The following SPIC variants were observed in gnomAD, a reference collection of about 807,000 sequenced individuals.
The protein encoded by SPIC is transcription factor Spi-C.
In SPIC, 9 loss-of-function variants were observed where a neutral mutation model predicts 16.7. The ratio of observed to expected loss-of-function variants is 0.54; its 90% confidence interval spans 0.33 to 0.94. The LOEUF (loss-of-function observed/expected upper bound fraction) is 0.94, where lower values mean the gene tolerates loss of function less well. Among genes scored for constraint, SPIC ranks in the 40% least tolerant of loss-of-function variants. The pLI, the probability that SPIC is intolerant of heterozygous loss-of-function variation, is 0.03. For synonymous variants in SPIC, 97 were observed against 102.9 expected (o/e 0.94, Z 0.35); for missense variants, 241 against 285.8 (o/e 0.84, Z 1.13).
intron 3 of SPIC, among the ~76,000 whole-genome samples, chr12:101,477,963 G>A (rs371733081): frequency 6.6e-6 from 1 of 152,236 alleles, no homozygotes; most frequent in African/African-American, 2.4e-5. Context: ...TTAGTAAGCC[G>A]AGATGGCGCC....
rs1401512147 is a variant in SPIC at position 101,476,966 on chromosome 12, TAATTAAAA to T, written c.3+62_3+69del. 24 of 1,216,944 alleles carry T rather than the reference TAATTAAAA, an allele frequency of 2.0e-5. No individual in the cohort carries two copies. In the East Asian group the frequency reaches 6.6e-4, roughly 33 times the overall value. 75.4% of individuals were successfully genotyped at this position (1,216,944 alleles called of 1,614,324 possible). On this transcript the variant is annotated intron_variant, in intron 2 of 5. Coordinates refer to ENST00000551346, the MANE Select transcript of SPIC (RefSeq NM_152323.3). ...TCCACAGAGGAGCTCTACAGCATAA[TAATTAAAA>T]AACTTTTTTCTTTACTCTCCCTCCA... is the stretch of plus-strand genomic sequence containing the variant.
chr12:101,475,995 A>C (rs1312163948), intron 1 of SPIC, among the ~76,000 whole-genome samples: 1 of 152,202 alleles, frequency 6.6e-6, no homozygotes, highest in Non-Finnish European at 1.5e-5. Context: ...ATTAGATTAC[A>C]TCATCTCATT....
intron 4 of SPIC, 53 bp from the exon 5 acceptor site, chr12:101,482,739 T>C: frequency 6.5e-7 from 1 of 1,538,402 alleles, no homozygotes; most frequent in Non-Finnish European, 8.9e-7. Context: ...CAGCCTATAA[T>C]AGGGGGCAAC....
intron 5 of SPIC, among the ~76,000 whole-genome samples, chr12:101,483,918 G>GC (rs1396633770): frequency 4.6e-5 from 7 of 151,832 alleles, no homozygotes; most frequent in South Asian, 2.1e-4. Context: ...GATTCAGGCA[G>GC]CCCCCCCGAA....
At chr12:101,479,296 GAAAGAAAGAAA>G (rs751115731) in intron 3 of SPIC, among the ~76,000 whole-genome samples, 1,428 of 41,510 alleles carry the variant, frequency 0.034, 128 homozygotes, top group African/African-American at 0.11. Flanking sequence ...AAGAAAGAAA[GAAAGAAAGAAA>G]AAAGAAAGAA....
At chr12:101,477,437 C>G in intron 2 of SPIC, 121 bp from the exon 3 acceptor site, 1 of 900,500 alleles carries the variant, frequency 1.1e-6, no homozygotes, top group Non-Finnish European at 1.7e-6. Flanking sequence ...ACAGCCAACA[C>G]CAAATGCCCA....
At chr12:101,480,428 G>A (rs1257834932) in intron 4 of SPIC, among the ~76,000 whole-genome samples, 1 of 152,166 alleles carries the variant, frequency 6.6e-6, no homozygotes, top group African/African-American at 2.4e-5. Flanking sequence ...AGTGTTATCT[G>A]CATGTATTGG....
chr12:101,478,648 T>C (rs1873037869), intron 3 of SPIC, among the ~76,000 whole-genome samples: 1 of 152,224 alleles, frequency 6.6e-6, no homozygotes, highest in African/African-American at 2.4e-5. Flanking sequence ...ATTTTAACTA[T>C]TCACGAAAGG....
chr12:101,477,333 A>AC (rs567254027), intron 2 of SPIC, among the ~76,000 whole-genome samples: 2 of 152,306 alleles, frequency 1.3e-5, no homozygotes, highest in East Asian at 3.9e-4. Flanking sequence ...TTTGACGGTC[A>AC]CAACTGTGAA....
At chr12:101,478,316 C>CCACT (rs1314934090) in intron 3 of SPIC, among the ~76,000 whole-genome samples, 1 of 152,020 alleles carries the variant, frequency 6.6e-6, no homozygotes, top group African/African-American at 2.4e-5. Context: ...CAGGCATGAG[C>CCACT]CACTGTGCCC....
intron 3 of SPIC, among the ~76,000 whole-genome samples, chr12:101,479,220 G>GAA (rs869262567): frequency 3.5e-5 from 3 of 84,764 alleles, no homozygotes; most frequent in East Asian, 3.1e-4. Context: ...AAGAAAGAAA[G>GAA]AAGGAAAGAA....
chr12:101,482,895 GA>G lies in SPIC; in HGVS notation c.318del (p.Gly107AlafsTer27), dbSNP rs1873252064. 1.2e-6 allele frequency: 2 copies of G among 1,613,338 alleles called. No individual in the cohort carries two copies. The highest frequency in any genetic ancestry group is 1.3e-5 in the African/African-American group (1 of 74,990). ...VQPTLLQQKGGKGRKKLRLFE... is the reference protein window; with the variant it reads ...VQPTLLQQKGXKGRKKLRLFE... Reference sequence around the variant, plus strand: ...CCCACTCTTCTCCAGCAAAAGGGGGGAAAAGGTACGTTGATCCATCATTCGT... The same window carrying G: ...CCCACTCTTCTCCAGCAAAAGGGGGGAAAGGTACGTTGATCCATCATTCGT... On this transcript the variant is annotated frameshift_variant, in exon 5 of 6. Transcript: ENST00000551346. LOFTEE classifies it low-confidence loss of function (END_TRUNC).
intron 3 of SPIC, among the ~76,000 whole-genome samples, chr12:101,478,010 CT>C (rs1034919958): frequency 1.4e-4 from 21 of 151,166 alleles, no homozygotes; most frequent in Admixed American, 1.2e-3. Context: ...CAGAGAAGAC[CT>C]TTTTTTTCTT....
In SPIC at chr12:101,479,468, A is replaced by G. The variant is rs1873118715; in HGVS notation, c.98-114A>G. ...CACCACAGGAGAAGTGCAAAGTGGC[A>G]AGAAAACATAGATGAGAGCAATTGC... On this transcript the variant is annotated intron_variant, in intron 3 of 5. Coordinates refer to ENST00000551346, the MANE Select transcript of SPIC (RefSeq NM_152323.3). The G allele has an allele frequency of 4.1e-6, 3 of 731,014 alleles. No individual in the cohort carries two copies. In the African/African-American group the frequency reaches 5.4e-5, roughly 13 times the overall value. The allele number at this position is 731,014 out of a possible 1,614,324, so 45.3% of individuals were successfully genotyped here.
chr12:101,486,437 G>C lies in SPIC; in HGVS notation c.413G>C (p.Gly138Ala), dbSNP rs781091465. ...ATTCAGTGGGTAGATAAAACCAAAGGCATCTTTCAGTTTGTATCAAAAAAC... is the reference window on the plus strand; with the variant it reads ...ATTCAGTGGGTAGATAAAACCAAAGCCATCTTTCAGTTTGTATCAAAAAAC... Reference protein sequence around the residue: ...SCIQWVDKTKGIFQFVSKNKE... With the variant: ...SCIQWVDKTKAIFQFVSKNKE... Residue 138 changes from glycine (G) to alanine (A), a missense_variant, in exon 6 of 6, where the codon GGC becomes GCC. Coordinates refer to ENST00000551346, the MANE Select transcript of SPIC (RefSeq NM_152323.3). 1.2e-6 allele frequency: 2 copies of C among 1,614,022 alleles called. No homozygotes were observed.
At chr12:101,476,474 G>C (rs1285284261) in intron 1 of SPIC, among the ~76,000 whole-genome samples, 1 of 152,028 alleles carries the variant, frequency 6.6e-6, no homozygotes, top group African/African-American at 2.4e-5. Flanking sequence ...TTTTTATAAA[G>C]CTATGCTAAG....
rs369264779 is a variant in SPIC at position 101,477,675 on chromosome 12, T to G, written c.97+24T>G. On this transcript the variant is annotated intron_variant, in intron 3 of 5. Coordinates refer to ENST00000551346, the MANE Select transcript of SPIC (RefSeq NM_152323.3). The stretch of plus-strand genomic sequence containing the variant: ...AGGTAAAGATGAGTCATTTACCCTC[T>G]TCTGCTGGTACATCAAATGGCTTGT... The G allele has an allele frequency of 2.5e-6, 4 of 1,580,946 alleles. No homozygotes were observed. The African/African-American group carries it at 5.4e-5, about 21-fold the overall frequency.
intron 3 of SPIC, among the ~76,000 whole-genome samples, chr12:101,478,326 C>T (rs1029406937): frequency 6.6e-6 from 1 of 151,954 alleles, no homozygotes; most frequent in African/African-American, 2.4e-5. Flanking sequence ...CCACTGTGCC[C>T]GGTGACCTTT....
At chr12:101,478,195 C>T (rs1193080846) in intron 3 of SPIC, among the ~76,000 whole-genome samples, 1 of 151,708 alleles carries the variant, frequency 6.6e-6, no homozygotes, top group African/African-American at 2.4e-5. Context: ...CCATGCCCAT[C>T]TAATTTTTTG....
Sources: allele counts gnomAD v4.1 joint callset (sites outside exome capture counted in the v4.1 genomes callset), GRCh38; gene constraint gnomAD v4.1.1; transcripts MANE v1.5; gene names NCBI Gene and HGNC (gene_info 2026-07-23, HGNC 2026-07-21).